Variants in EPM2A observed in about 807,000 individuals in gnomAD.
The protein encoded by EPM2A is EPM2A glucan phosphatase, laforin.
EPM2A carries 21 observed loss-of-function variants against 26.5 expected under a neutral mutation model. That is an observed-to-expected ratio of 0.79 (90% CI 0.56 to 1.14). The LOEUF is 1.14. EPM2A is among the 50% of genes most tolerant of loss of function. The probability of loss-of-function intolerance (pLI) is 0.00; values close to 1 mark genes in which losing one functional copy is unlikely to be tolerated. For missense variants in EPM2A, 458 were observed against 440.8 expected (o/e 1.04, Z -0.35); for synonymous variants, 217 against 177.6 (o/e 1.22, Z -1.76).
At chr6:145,456,444 A>G (rs539699438) in intron 4 of EPM2A, among the ~76,000 whole-genome samples, 9 of 152,218 alleles carry the variant, frequency 5.9e-5, no homozygotes, top group Non-Finnish European at 1.3e-4. Context: ...ATGAACAGAG[A>G]GATTGAGAGA....
chr6:145,539,205 T>G (rs1013810219), intron 2 of EPM2A, among the ~76,000 whole-genome samples: 4 of 152,246 alleles, frequency 2.6e-5, no homozygotes, highest in Non-Finnish European at 5.9e-5. Context: ...AAACTGTCAC[T>G]AAGGATACAA....
chr6:145,578,102 A>G (rs569420578), intron 2 of EPM2A, among the ~76,000 whole-genome samples: 2 of 152,224 alleles, frequency 1.3e-5, no homozygotes, highest in South Asian at 4.1e-4. Context: ...AAAAAAGTAG[A>G]AAGACAAAAA....
intron 4 of EPM2A, among the ~76,000 whole-genome samples, chr6:145,389,045 A>G (rs1204922408): frequency 2.0e-5 from 3 of 152,152 alleles, no homozygotes; most frequent in Non-Finnish European, 4.4e-5. Context: ...TTGCTGGGTC[A>G]AATGGTATTT....
chr6:145,468,327 G>A (rs1384396772), intron 4 of EPM2A, among the ~76,000 whole-genome samples: 2 of 152,078 alleles, frequency 1.3e-5, no homozygotes, highest in Non-Finnish European at 2.9e-5. Context: ...GCCGTACATT[G>A]TAAGTTCCTC....
intron 2 of EPM2A, among the ~76,000 whole-genome samples, chr6:145,521,853 C>A (rs1454843602): frequency 2.0e-5 from 3 of 152,162 alleles, no homozygotes; most frequent in African/African-American, 7.2e-5. Context: ...GACTGTGTGA[C>A]TAATGAGGTT....
At chr6:145,466,154 C>G (rs200852956) in intron 4 of EPM2A, among the ~76,000 whole-genome samples, 1 of 136,768 alleles carries the variant, frequency 7.3e-6, no homozygotes, top group Admixed American at 7.8e-5. Flanking sequence ...TAATTAAACT[C>G]AAGAGCTTCT....
At chr6:145,726,574 T>C (rs969486619) in intron 1 of EPM2A, among the ~76,000 whole-genome samples, 5 of 152,054 alleles carry the variant, frequency 3.3e-5, no homozygotes, top group Non-Finnish European at 5.9e-5. Flanking sequence ...CGGTAGTAAG[T>C]CATGTTAATA....
At chr6:145,692,598 T>C (rs747066728) in intron 1 of EPM2A, among the ~76,000 whole-genome samples, 8 of 152,034 alleles carry the variant, frequency 5.3e-5, no homozygotes, top group Admixed American at 3.9e-4. Context: ...TTTTTGTATA[T>C]GGTATATGGA....
chr6:145,473,900 C>A (rs1307912248), intron 4 of EPM2A, among the ~76,000 whole-genome samples: 1 of 151,916 alleles, frequency 6.6e-6, no homozygotes, highest in Non-Finnish European at 1.5e-5. Context: ...GAGCTGTCCT[C>A]CAAGAAATGT....
At chr6:145,597,890 C>T (rs1781368753) in intron 2 of EPM2A, among the ~76,000 whole-genome samples, 1 of 152,188 alleles carries the variant, frequency 6.6e-6, no homozygotes, top group African/African-American at 2.4e-5. Context: ...CATGTTTCTG[C>T]AAACGACATA....
At chr6:145,683,451 A>G (rs947300187) in intron 2 of EPM2A, among the ~76,000 whole-genome samples, 16 of 151,656 alleles carry the variant, frequency 1.1e-4, no homozygotes, top group Non-Finnish European at 2.1e-4. Context: ...TACACCTTGC[A>G]GTGGATAACA....
chr6:145,716,579 T>C (rs1036557213), intron 1 of EPM2A, among the ~76,000 whole-genome samples: 3 of 152,132 alleles, frequency 2.0e-5, no homozygotes, highest in Non-Finnish European at 4.4e-5. Context: ...ACCCTACCCC[T>C]ATCCTGGAGT....
intron 4 of EPM2A, among the ~76,000 whole-genome samples, chr6:145,409,718 G>A (rs1312312831): frequency 6.6e-6 from 1 of 152,156 alleles, no homozygotes; most frequent in Non-Finnish European, 1.5e-5. Flanking sequence ...TACTATATGA[G>A]CTAGGGGGAC....
At chr6:145,602,058 T>C (rs1427236867) in intron 2 of EPM2A, among the ~76,000 whole-genome samples, 1 of 152,198 alleles carries the variant, frequency 6.6e-6, no homozygotes, top group Non-Finnish European at 1.5e-5. Context: ...ACATGAATTC[T>C]CTTTGCTTCT....
At chr6:145,734,860 C>T (rs1776740291) in intron 1 of EPM2A, 2 of 164,420 alleles carry the variant, frequency 1.2e-5, no homozygotes, top group Non-Finnish European at 1.3e-5. Context: ...AGACGAAGGG[C>T]ACTGGCCCGT....
intron 2 of EPM2A, among the ~76,000 whole-genome samples, chr6:145,510,170 T>G (rs183721491): frequency 6.6e-6 from 1 of 151,316 alleles, no homozygotes; most frequent in African/African-American, 2.4e-5. Flanking sequence ...CTTACAGCAT[T>G]TGACAGCTCA....
intron 1 of EPM2A, among the ~76,000 whole-genome samples, chr6:145,712,381 C>A (rs1448077136): frequency 2.0e-5 from 3 of 152,142 alleles, no homozygotes; most frequent in African/African-American, 7.2e-5. Flanking sequence ...CCCAGATCAG[C>A]TGCAGACAAC....
chr6:145,616,800 T>C (rs1263974710), intron 2 of EPM2A, among the ~76,000 whole-genome samples: 1 of 152,218 alleles, frequency 6.6e-6, no homozygotes, highest in East Asian at 1.9e-4. Flanking sequence ...ATGGGGCCTG[T>C]AGCCCCTTTG....
intron 1 of EPM2A, among the ~76,000 whole-genome samples, chr6:145,688,749 G>A (rs557456317): frequency 8.3e-4 from 127 of 152,198 alleles, no homozygotes; most frequent in Non-Finnish European, 1.2e-3. Context: ...AGCGAGAGAA[G>A]GATAAACTTA....
Sources: allele counts gnomAD v4.1 joint callset (sites outside exome capture counted in the v4.1 genomes callset), GRCh38; gene constraint gnomAD v4.1.1; transcripts MANE v1.5; gene names NCBI Gene and HGNC (gene_info 2026-07-23, HGNC 2026-07-21).